SGMS2: variants seen among roughly 807,000 people sequenced by gnomAD.
The protein encoded by SGMS2 is sphingomyelin synthase 2.
A neutral mutation model predicts 43.8 loss-of-function variants in SGMS2; 21 were observed. That is an observed-to-expected ratio of 0.48 (90% CI 0.34 to 0.69). SGMS2 has a LOEUF of 0.69. Ranked by LOEUF, SGMS2 falls within the 30% of genes least tolerant of loss-of-function variation. The pLI, the probability that SGMS2 is intolerant of heterozygous loss-of-function variation, is 0.01. For missense variants in SGMS2, 384 were observed against 443.2 expected, an observed-to-expected ratio of 0.87 and a Z score of 1.20; for synonymous variants, 167 against 160.6, an observed-to-expected ratio of 1.04 and a Z score of -0.30.
At chr4:107,907,860 C>T (rs991344483) in intron 5 of SGMS2, 2 of 152,174 alleles carry the variant, frequency 1.3e-5, no homozygotes, top group Non-Finnish European at 2.9e-5. Context: ...AAGGGGAGGA[C>T]CATCATGTTT....
chr4:107,895,655 A>G lies in SGMS2; in HGVS notation c.102A>G (p.Glu34=). The G allele has an allele frequency of 6.2e-7, 1 of 1,614,034 alleles. No homozygotes were observed. The highest frequency in any genetic ancestry group is 8.5e-7 in the Non-Finnish European group (1 of 1,179,956). The part of the protein sequence containing the change: ...YARPAEPVEE[E]NKNGNGKPKS... ...GACCCGCTGAACCTGTTGAAGAAGA[A>G]AACAAAAATGGCAATGGTAAACCCA... The change falls in exon 3 of 7, where the codon GAA becomes GAG. Residue 34 remains glutamate, a synonymous_variant. Coordinates refer to ENST00000690982, the MANE Select transcript of SGMS2 (RefSeq NM_001375905.1).
chr4:107,876,717 T>G (rs1386908090), intron 2 of SGMS2, among the ~76,000 whole-genome samples: 1 of 152,214 alleles, frequency 6.6e-6, no homozygotes, highest in Non-Finnish European at 1.5e-5. Context: ...TTCAGAGAAC[T>G]ATTCTTTTTT....
At chr4:107,856,631 G>A (rs563144704) in intron 1 of SGMS2, among the ~76,000 whole-genome samples, 3 of 152,168 alleles carry the variant, frequency 2.0e-5, no homozygotes, top group Admixed American at 2.0e-4. Flanking sequence ...AGGGTTCCAA[G>A]TGAAACGAGA....
intron 1 of SGMS2, among the ~76,000 whole-genome samples, chr4:107,843,694 G>C (rs1461840289): frequency 6.6e-6 from 1 of 152,154 alleles, no homozygotes; most frequent in Non-Finnish European, 1.5e-5. Flanking sequence ...TGTTATGAAG[G>C]GCATTCAGTG....
At chr4:107,860,116 CT>C (rs1727641802) in intron 2 of SGMS2, among the ~76,000 whole-genome samples, 1 of 152,028 alleles carries the variant, frequency 6.6e-6, no homozygotes, top group Non-Finnish European at 1.5e-5. Flanking sequence ...TCTAGAATTT[CT>C]TTATGCATAA....
chr4:107,881,435 ACG>A lies in SGMS2; in HGVS notation c.-244-13874_-244-13873del, dbSNP rs1256535383. 3.9e-5 allele frequency among the ~76,000 whole-genome samples: 6 copies of A among 152,178 alleles called. No individual in the cohort carries two copies. In the East Asian group the frequency reaches 1.2e-3, roughly 29 times the overall value. On this transcript the variant is annotated intron_variant, in intron 2 of 6. Coordinates refer to ENST00000690982, the MANE Select transcript of SGMS2 (RefSeq NM_001375905.1). ...GCTACTTCCTCTCTGACCTTGGGCA[ACG>A]TACATCATCTCAATTTCTTTTTATT...
chr4:107,904,559 T>G (rs1731390747), intron 5 of SGMS2, among the ~76,000 whole-genome samples: 1 of 152,202 alleles, frequency 6.6e-6, no homozygotes, highest in African/African-American at 2.4e-5. Flanking sequence ...TTGTGAGAAT[T>G]GTAGCGTCTT....
At chr4:107,885,055 A>G (rs1729642276) in intron 2 of SGMS2, among the ~76,000 whole-genome samples, 1 of 152,182 alleles carries the variant, frequency 6.6e-6, no homozygotes, top group Admixed American at 6.5e-5. Context: ...TTAGGGTACC[A>G]TGCCAGAGTG....
At chr4:107,894,808 T>C (rs1158542339) in intron 2 of SGMS2, among the ~76,000 whole-genome samples, 1 of 151,594 alleles carries the variant, frequency 6.6e-6, no homozygotes. Context: ...TTAAAAAGAC[T>C]TCTGTTTTTT....
rs754535984 is a variant in SGMS2, at chr4:107,895,823, C to T, written c.270C>T (p.Leu90=). ...CCTTCATATATGCAGTTTTCAACCT[C>T]GTCTTGACAACCGTCATGATCACAG... is the stretch of plus-strand genomic sequence containing the variant. The part of the protein sequence containing the change: ...GIAFIYAVFN[L]VLTTVMITVV... Residue 90 remains leucine (L), a synonymous_variant, in exon 3 of 7, where the codon CTC becomes CTT. Coordinates refer to ENST00000690982, the MANE Select transcript of SGMS2 (RefSeq NM_001375905.1). 4.0e-5 allele frequency: 65 copies of T among 1,613,812 alleles called. No homozygotes were observed. The highest frequency in any genetic ancestry group is 2.3e-4 in the African/African-American group (17 of 74,886).
chr4:107,874,299 A>G (rs1344083004), intron 2 of SGMS2, among the ~76,000 whole-genome samples: 1 of 152,180 alleles, frequency 6.6e-6, no homozygotes, highest in African/African-American at 2.4e-5. Flanking sequence ...AACAAAAGAC[A>G]CATTTGTTTA....
chr4:107,858,914 A>G (rs1727573719), intron 2 of SGMS2, among the ~76,000 whole-genome samples: 1 of 152,242 alleles, frequency 6.6e-6, no homozygotes. Context: ...ATGCCTTAAG[A>G]AAACAGAAAA....
chr4:107,879,442 A>G (rs1236868939), intron 2 of SGMS2, among the ~76,000 whole-genome samples: 2 of 151,040 alleles, frequency 1.3e-5, no homozygotes, highest in African/African-American at 2.4e-5. Flanking sequence ...CTAGTTCTTT[A>G]GAAATAATTT....
At chr4:107,828,221 A>G (rs1447943537) in intron 1 of SGMS2, among the ~76,000 whole-genome samples, 1 of 152,086 alleles carries the variant, frequency 6.6e-6, no homozygotes, top group Non-Finnish European at 1.5e-5. Context: ...TTTTGCCCCT[A>G]TGCACAGATA....
chr4:107,844,015 C>G (rs1264558432), intron 1 of SGMS2, among the ~76,000 whole-genome samples: 2 of 152,128 alleles, frequency 1.3e-5, no homozygotes, highest in Non-Finnish European at 2.9e-5. Flanking sequence ...TGAGTAGTTT[C>G]AAGAGGTGAT....
intron 1 of SGMS2, among the ~76,000 whole-genome samples, chr4:107,839,482 GTATTGCTAATGGAGGAT>G (rs2125996127): frequency 6.6e-6 from 1 of 152,034 alleles, no homozygotes. Flanking sequence ...GATATTAAGT[GTATTGCTAATGGAGGAT>G]TATTCCTTTA....
intron 2 of SGMS2, among the ~76,000 whole-genome samples, chr4:107,859,595 T>G (rs1177247018): frequency 6.6e-6 from 1 of 152,226 alleles, no homozygotes; most frequent in Non-Finnish European, 1.5e-5. Context: ...AATTCATTTA[T>G]TCAACAAATA....
intron 1 of SGMS2, among the ~76,000 whole-genome samples, chr4:107,858,018 C>A (rs576861516): frequency 1.9e-3 from 289 of 151,956 alleles, no homozygotes; most frequent in African/African-American, 2.2e-3. Context: ...CCACCCCCCC[C>A]ATCCCCAACC....
At chr4:107,869,615 T>G (rs1728402821) in intron 2 of SGMS2, among the ~76,000 whole-genome samples, 1 of 152,122 alleles carries the variant, frequency 6.6e-6, no homozygotes, top group Non-Finnish European at 1.5e-5. Flanking sequence ...TAGGTATTTG[T>G]TTTTTTAAGT....
Sources: gnomAD v4.1 joint callset for allele counts (sites outside exome capture counted in the v4.1 genomes callset) on GRCh38, gnomAD v4.1.1 for gene constraint, MANE v1.5 for transcripts, NCBI Gene and HGNC (gene_info 2026-07-23, HGNC 2026-07-21) for gene names.